The following ADGRE1 variants were observed in gnomAD, a reference collection of about 807,000 sequenced individuals.
ADGRE1 encodes the protein EGF-like module receptor 1.
A neutral mutation model predicts 102.7 loss-of-function variants in ADGRE1; 82 were observed. That is an observed-to-expected ratio of 0.80 (90% confidence interval 0.67 to 0.96). The LOEUF is 0.96. ADGRE1 is among the 40% of genes least tolerant of loss of function. ADGRE1 has a pLI of 0.00. For synonymous variants in ADGRE1, 398 were observed against 399.6 expected (o/e 1.00, Z 0.05); for missense variants, 1,032 against 1,085.3 (o/e 0.95, Z 0.69).
intron 14 of ADGRE1, among the ~76,000 whole-genome samples, chr19:6,923,750 C>G (rs1022532516): frequency 4.6e-5 from 7 of 150,998 alleles, no homozygotes; most frequent in Non-Finnish European, 1.0e-4. Flanking sequence ...GTTGGCCAGG[C>G]TGGTTTCAAG....
Position 6,924,747 on chromosome 19 carries a change from A to T in ADGRE1, c.1861A>T (p.Ile621Phe). Residue 621 changes from isoleucine to phenylalanine, a missense_variant, in exon 15 of 21, where the codon ATC becomes TTC. Ile to Phe is a conservative substitution (Grantham distance 21, BLOSUM62 0). Coordinates refer to ENST00000312053, the MANE Select transcript of ADGRE1 (RefSeq NM_001974.5). ...IISLVCLVLA[I>F]ATFLLCRSIR... ...CTCCTTGGTGTGCCTCGTCTTGGCC[A>T]TCGCCACCTTTCTGCTGTGTCGCTC... 6.2e-7 allele frequency: 1 copy of T among 1,614,134 alleles called. No homozygotes were observed. Among genetic ancestry groups the T allele is most frequent in the Non-Finnish European group, 8.5e-7 (1 of 1,180,028 alleles).
chr19:6,926,159 T>A (rs1456593038), intron 15 of ADGRE1, among the ~76,000 whole-genome samples: 1 of 152,136 alleles, frequency 6.6e-6, no homozygotes, highest in African/African-American at 2.4e-5. Context: ...AAATCTTAGG[T>A]CCAGACAAAC....
intron 8 of ADGRE1, 143 bp from the exon 9 acceptor site, chr19:6,906,290 T>C: frequency 1.5e-6 from 1 of 649,564 alleles, no homozygotes; most frequent in Admixed American, 2.9e-5. Context: ...TGTGTAGTTG[T>C]GGTTTGTTCA....
chr19:6,899,123 C>A (rs769076967), intron 5 of ADGRE1, among the ~76,000 whole-genome samples: 92 of 152,162 alleles, frequency 6.0e-4, no homozygotes, highest in Admixed American at 1.4e-3. Context: ...TGAACTCCTG[C>A]TGAGGACCTA....
At chr19:6,905,616 G>A (rs1173804442) in intron 8 of ADGRE1, among the ~76,000 whole-genome samples, 2 of 152,010 alleles carry the variant, frequency 1.3e-5, no homozygotes, top group Non-Finnish European at 2.9e-5. Flanking sequence ...CTCTCAAAGT[G>A]CTGGGATTAC....
chr19:6,922,505 C>G (rs1346751344), intron 14 of ADGRE1, among the ~76,000 whole-genome samples: 1 of 151,764 alleles, frequency 6.6e-6, no homozygotes, highest in Non-Finnish European at 1.5e-5. Context: ...GTCCCAGCTA[C>G]TTGGGAGGCT....
chr19:6,897,219 G>A lies in ADGRE1; in HGVS notation c.309G>A (p.Arg103=), dbSNP rs1973590224. 2 of 1,613,662 alleles carry A rather than the reference G, an allele frequency of 1.2e-6. No homozygotes were observed. Among genetic ancestry groups the A allele is most frequent in the Non-Finnish European group, 1.7e-6 (2 of 1,179,936 alleles). Residue 103 remains arginine, a synonymous_variant, in exon 4 of 21, where the codon AGG becomes AGA. Coordinates refer to ENST00000312053, the MANE Select transcript of ADGRE1 (RefSeq NM_001974.5). Reference sequence around the variant, plus strand: ...CATCCTGCAAAAACCTGTCAGGGAGGTACAAGTGCAGCTGTTTAGATGGTT... The same window carrying A: ...CATCCTGCAAAAACCTGTCAGGGAGATACAAGTGCAGCTGTTTAGATGGTT... ...PNSSCKNLSG[R]YKCSCLDGFS...
chr19:6,921,199 A>G (rs991370235), intron 13 of ADGRE1, among the ~76,000 whole-genome samples: 1 of 152,178 alleles, frequency 6.6e-6, no homozygotes, highest in African/African-American at 2.4e-5. Flanking sequence ...AGGCAGGTGA[A>G]TCACTTGACA....
intron 18 of ADGRE1, among the ~76,000 whole-genome samples, chr19:6,935,617 A>G (rs1025203486): frequency 2.0e-5 from 3 of 152,042 alleles, no homozygotes; most frequent in South Asian, 2.1e-4. Flanking sequence ...ATTTGCTTCT[A>G]TGTGTTTTTG....
chr19:6,927,317 C>CT (rs796874353), intron 16 of ADGRE1, among the ~76,000 whole-genome samples: 1 of 150,178 alleles, frequency 6.7e-6, no homozygotes, highest in African/African-American at 2.5e-5. Context: ...CCCTTCCTCC[C>CT]TCCCTTCTTT....
At chr19:6,921,607 C>T in intron 13 of ADGRE1, 106 bp from the exon 14 acceptor site, 15 of 1,291,834 alleles carry the variant, frequency 1.2e-5, no homozygotes, top group Non-Finnish European at 1.2e-5. Context: ...TCAGAACATA[C>T]CCTGTGTATT....
chr19:6,926,991 G>A (rs150945188), intron 16 of ADGRE1, among the ~76,000 whole-genome samples: 86 of 151,992 alleles, frequency 5.7e-4, no homozygotes, highest in African/African-American at 1.8e-3. Flanking sequence ...CCCGGGAGGC[G>A]GAGGCTGCAG....
chr19:6,926,975 C>G (rs1974943244), intron 16 of ADGRE1, among the ~76,000 whole-genome samples: 1 of 152,004 alleles, frequency 6.6e-6, no homozygotes, highest in Non-Finnish European at 1.5e-5. Context: ...AGAAGAATCA[C>G]CTGAACCCGG....
intron 5 of ADGRE1, among the ~76,000 whole-genome samples, chr19:6,901,030 C>T (rs953565172): frequency 6.6e-6 from 1 of 152,206 alleles, no homozygotes; most frequent in Non-Finnish European, 1.5e-5. Flanking sequence ...GTGTGAGCCT[C>T]ATCCCCATGG....
intron 4 of ADGRE1, 43 bp downstream of exon 4, chr19:6,897,347 C>G: frequency 6.2e-7 from 1 of 1,612,058 alleles, no homozygotes; most frequent in South Asian, 1.1e-5. Flanking sequence ...GGGTGGATAT[C>G]TATCAGTGGG....
chr19:6,924,486 G>A (rs568637068), intron 14 of ADGRE1, among the ~76,000 whole-genome samples, 192 bp from the exon 15 acceptor site: 50 of 152,288 alleles, frequency 3.3e-4, no homozygotes, highest in Middle Eastern at 3.4e-3. Flanking sequence ...ACAGGACTGG[G>A]AATAGGTGCT....
intron 20 of ADGRE1, among the ~76,000 whole-genome samples, chr19:6,939,607 A>C (rs1278952264): frequency 6.6e-6 from 1 of 152,130 alleles, no homozygotes; most frequent in African/African-American, 2.4e-5. Flanking sequence ...TCCAGACATC[A>C]TGACTATGTT....
At chr19:6,932,416 C>T (rs1015536335) in intron 17 of ADGRE1, among the ~76,000 whole-genome samples, 1 of 152,034 alleles carries the variant, frequency 6.6e-6, no homozygotes, top group East Asian at 1.9e-4. Flanking sequence ...TGCAGTGAGC[C>T]GAGATGGCGC....
chr19:6,938,922 A>C (rs1490483126), intron 20 of ADGRE1, among the ~76,000 whole-genome samples: 1 of 151,620 alleles, frequency 6.6e-6, no homozygotes, highest in African/African-American at 2.4e-5. Flanking sequence ...CAGCCTCCCA[A>C]GTAGCTGGGA....
Sources: allele counts gnomAD v4.1 joint callset (sites outside exome capture counted in the v4.1 genomes callset), GRCh38; gene constraint gnomAD v4.1.1; transcripts MANE v1.5; gene names NCBI Gene and HGNC (gene_info 2026-07-23, HGNC 2026-07-21).